CALN1: variants seen among roughly 807,000 people sequenced by gnomAD.
CALN1 encodes the protein calcium-binding protein 8.
Under a neutral mutation model 30.6 loss-of-function variants are expected in CALN1, and 17 were observed. The ratio of observed to expected loss-of-function variants is 0.56; its 90% confidence interval spans 0.38 to 0.83. The LOEUF is 0.83. CALN1 is among the 40% of genes least tolerant of loss of function. The pLI is 0.00. For missense variants in CALN1, 291 were observed against 354.9 expected, an observed-to-expected ratio of 0.82 and a Z score of 1.45; for synonymous variants, 156 against 131.4, an observed-to-expected ratio of 1.19 and a Z score of -1.28.
intron 4 of CALN1, among the ~76,000 whole-genome samples, chr7:72,035,235 T>C (rs967355551): frequency 1.3e-5 from 2 of 152,184 alleles, no homozygotes; most frequent in Admixed American, 1.3e-4. Context: ...TCTTTTCTTC[T>C]TGCAAAACTG....
At chr7:72,043,917 T>A (rs1175169340) in intron 4 of CALN1, among the ~76,000 whole-genome samples, 1 of 152,144 alleles carries the variant, frequency 6.6e-6, no homozygotes, top group Non-Finnish European at 1.5e-5. Flanking sequence ...AGGAGCAAGT[T>A]ACATGGATGT....
intron 3 of CALN1, among the ~76,000 whole-genome samples, chr7:72,247,694 G>A (rs1192550796): frequency 6.6e-6 from 1 of 152,170 alleles, no homozygotes. Flanking sequence ...TAGTGGCTTA[G>A]AACTATACAA....
intron 5 of CALN1, among the ~76,000 whole-genome samples, chr7:71,994,448 G>T (rs1362713612): frequency 6.8e-6 from 1 of 146,688 alleles, no homozygotes; most frequent in African/African-American, 2.6e-5. Context: ...GGAGGCAGAG[G>T]TTGCCGTGAG....
At chr7:72,097,847 G>A (rs1270464823) in intron 4 of CALN1, among the ~76,000 whole-genome samples, 1 of 152,046 alleles carries the variant, frequency 6.6e-6, no homozygotes, top group Non-Finnish European at 1.5e-5. Flanking sequence ...CTGAGCAGCT[G>A]GGATTACAGG....
At chr7:72,379,990 T>C (rs1020004356) in intron 2 of CALN1, among the ~76,000 whole-genome samples, 1 of 152,216 alleles carries the variant, frequency 6.6e-6, no homozygotes. Context: ...AGAAACCAAG[T>C]ATGCCTGTCG....
At chr7:71,939,411 A>AAT (rs1255451558) in intron 5 of CALN1, among the ~76,000 whole-genome samples, 1 of 109,044 alleles carries the variant, frequency 9.2e-6, no homozygotes, top group African/African-American at 2.7e-5. Context: ...TACAAAAAAA[A>AAT]AAAAAAAAAA....
chr7:72,326,126 C>A (rs893467158), intron 2 of CALN1, among the ~76,000 whole-genome samples: 2 of 152,212 alleles, frequency 1.3e-5, no homozygotes, highest in Non-Finnish European at 2.9e-5. Flanking sequence ...TGGTCTCGAA[C>A]TCCTGGCCTC....
chr7:71,885,383 A>G (rs1362053937), intron 5 of CALN1, among the ~76,000 whole-genome samples: 1 of 152,108 alleles, frequency 6.6e-6, no homozygotes, highest in Non-Finnish European at 1.5e-5. Context: ...TGATCTCCTG[A>G]TATCGTGATC....
rs538388825 is a variant in CALN1 at position 72,278,013 on chromosome 7, G to T, written c.244+673C>A. Among the ~76,000 whole-genome samples the T allele has an allele frequency of 3.6e-5, 5 of 138,572 alleles. No homozygotes were observed. The East Asian group carries it at 6.2e-4, about 17-fold the overall frequency. 90.9% of individuals were successfully genotyped at this position (138,572 alleles called of 152,430 possible). A position where few individuals can be genotyped will look rare whatever the true frequency, so the allele number is the denominator to read the frequency against. Reference sequence around the variant, plus strand: ...ATCAACCTAATCCTCTATTCCGGGGGGGGGGGACTTGTTTTTCCTATTTTT... The same window carrying T: ...ATCAACCTAATCCTCTATTCCGGGGTGGGGGGACTTGTTTTTCCTATTTTT... On this transcript the variant is annotated intron_variant, in intron 3 of 6. Transcript: ENST00000395275.
At chr7:72,118,942 G>C (rs1470581988) in intron 3 of CALN1, among the ~76,000 whole-genome samples, 1 of 151,990 alleles carries the variant, frequency 6.6e-6, no homozygotes. Context: ...GTTCAGAATG[G>C]GTTTTAAAAA....
At chr7:71,810,540 G>T (rs752950177) in intron 5 of CALN1, 48 bp from the exon 6 acceptor site, 1 of 1,590,260 alleles carries the variant, frequency 6.3e-7, no homozygotes. Flanking sequence ...GTGGAGATGG[G>T]AAGTTGGCTC....
intron 5 of CALN1, among the ~76,000 whole-genome samples, chr7:71,820,174 A>G (rs778498201): frequency 6.6e-6 from 1 of 152,216 alleles, no homozygotes; most frequent in Non-Finnish European, 1.5e-5. Context: ...AATCCTTATC[A>G]TAAGCCAGAC....
chr7:71,862,450 C>A (rs1003964576), intron 5 of CALN1, among the ~76,000 whole-genome samples: 2 of 152,132 alleles, frequency 1.3e-5, no homozygotes, highest in African/African-American at 4.8e-5. Flanking sequence ...ATAAAAGGGG[C>A]TCCTGCACAC....
At chr7:71,929,175 TTACA>T (rs1382118848) in intron 5 of CALN1, among the ~76,000 whole-genome samples, 1 of 152,182 alleles carries the variant, frequency 6.6e-6, no homozygotes, top group African/African-American at 2.4e-5. Context: ...TGCAGGTTTG[TTACA>T]TAGTTAAACA....
chr7:72,295,810 G>C lies in CALN1; in HGVS notation c.120-17000C>G, dbSNP rs1314928385. On this transcript the variant is annotated intron_variant, in intron 2 of 6. Transcript: ENST00000395275. ...GATATACAATCATGTCGTCTGCAAA[G>C]AGGGACAATTTGACTTCCTCTTTTC... 2.2e-4 allele frequency among the ~76,000 whole-genome samples: 33 copies of C among 151,798 alleles called. No individual in the cohort carries two copies. In the South Asian group the frequency reaches 4.2e-3, roughly 19 times the overall value.
intron 5 of CALN1, among the ~76,000 whole-genome samples, chr7:72,011,953 G>A (rs1334213999): frequency 6.6e-6 from 1 of 152,106 alleles, no homozygotes; most frequent in Non-Finnish European, 1.5e-5. Flanking sequence ...AACTTTCAAT[G>A]AAAATTCTGC....
chr7:72,346,835 A>C (rs552366017), intron 2 of CALN1, among the ~76,000 whole-genome samples: 1 of 152,328 alleles, frequency 6.6e-6, no homozygotes, highest in South Asian at 2.1e-4. Flanking sequence ...TATTTTTAAC[A>C]CAGAATAAAG....
intron 2 of CALN1, among the ~76,000 whole-genome samples, chr7:72,328,116 T>TTAA (rs113625497): frequency 1.3e-5 from 2 of 150,702 alleles, no homozygotes; most frequent in East Asian, 1.9e-4. Flanking sequence ...TTTCTTTTTT[T>TTAA]AAAAAAAAAA....
At chr7:72,370,013 T>A (rs985941040) in intron 2 of CALN1, among the ~76,000 whole-genome samples, 3 of 152,154 alleles carry the variant, frequency 2.0e-5, no homozygotes, top group African/African-American at 7.2e-5. Context: ...ATACAAAAAA[T>A]GTATGTGTGT....
Sources: allele counts gnomAD v4.1 joint callset (sites outside exome capture counted in the v4.1 genomes callset), GRCh38; gene constraint gnomAD v4.1.1; transcripts MANE v1.5; gene names NCBI Gene and HGNC (gene_info 2026-07-23, HGNC 2026-07-21).